GRID2: variants seen among roughly 807,000 people sequenced by gnomAD.
The protein encoded by GRID2 is glutamate ionotropic receptor delta type subunit 2.
A neutral mutation model predicts 114.8 loss-of-function variants in GRID2; 33 were observed. The observed-to-expected ratio is 0.29, with a 90% CI of 0.22 to 0.38. The LOEUF (loss-of-function observed/expected upper bound fraction) is 0.38. Among genes scored for constraint, GRID2 ranks in the 10% least tolerant of loss-of-function variants. GRID2 has a pLI of 1.00. For missense variants in GRID2, 1,184 were observed against 1,257.7 expected (o/e 0.94, Z 0.89); for synonymous variants, 505 against 449.9 (o/e 1.12, Z -1.55).
intron 14 of GRID2, among the ~76,000 whole-genome samples, chr4:93,720,666 T>C (rs1190477581): frequency 3.3e-5 from 5 of 152,224 alleles, no homozygotes; most frequent in East Asian, 3.8e-4. Flanking sequence ...TTTCAGGTTA[T>C]TGGTTAGTCA....
chr4:93,602,124 T>C (rs1460498121), intron 13 of GRID2, among the ~76,000 whole-genome samples: 1 of 152,244 alleles, frequency 6.6e-6, no homozygotes, highest in Non-Finnish European at 1.5e-5. Context: ...GTTAGTTTAC[T>C]CATTTTCCAC....
chr4:92,721,617 G>A (rs997733336), intron 2 of GRID2, among the ~76,000 whole-genome samples: 6 of 152,034 alleles, frequency 3.9e-5, no homozygotes, highest in African/African-American at 1.4e-4. Context: ...GGAGTAGACA[G>A]AATTATAGCA....
chr4:93,598,657 G>A (rs570828115), intron 13 of GRID2, among the ~76,000 whole-genome samples: 3 of 152,018 alleles, frequency 2.0e-5, no homozygotes, highest in Non-Finnish European at 4.4e-5. Flanking sequence ...TTGCATTTTA[G>A]TATGTTTTGT....
intron 8 of GRID2, among the ~76,000 whole-genome samples, chr4:93,248,246 A>T (rs1394461542): frequency 6.6e-6 from 1 of 152,188 alleles, no homozygotes; most frequent in African/African-American, 2.4e-5. Context: ...TATTAAAAGA[A>T]CTTATATTAG....
intron 4 of GRID2, among the ~76,000 whole-genome samples, chr4:93,117,516 G>C (rs1427808214): frequency 6.6e-6 from 1 of 152,048 alleles, no homozygotes; most frequent in African/African-American, 2.4e-5. Flanking sequence ...GCACTTTCAT[G>C]ATCATATATT....
intron 1 of GRID2, among the ~76,000 whole-genome samples, chr4:92,345,854 T>A (rs998213002): frequency 6.6e-6 from 1 of 152,206 alleles, no homozygotes; most frequent in Non-Finnish European, 1.5e-5. Flanking sequence ...CCTTCTCCTT[T>A]TGGTTTCTTA....
At chr4:93,058,551 G>T (rs1727480226) in intron 2 of GRID2, among the ~76,000 whole-genome samples, 1 of 151,838 alleles carries the variant, frequency 6.6e-6, no homozygotes, top group East Asian at 1.9e-4. Flanking sequence ...CCACACCATT[G>T]AAATTGGTAA....
chr4:92,586,355 TACACACACAC>T (rs200184543), intron 1 of GRID2, among the ~76,000 whole-genome samples: 3,217 of 145,982 alleles, frequency 0.022, 117 homozygotes, highest in African/African-American at 0.074. Flanking sequence ...ACAAAAAATC[TACACACACAC>T]ACACACACAC....
intron 12 of GRID2, among the ~76,000 whole-genome samples, chr4:93,503,574 T>C (rs903597188): frequency 2.7e-5 from 4 of 149,390 alleles, no homozygotes; most frequent in Admixed American, 1.3e-4. Context: ...GAACATGCGG[T>C]GTTCGGTTTT....
intron 1 of GRID2, among the ~76,000 whole-genome samples, chr4:92,581,811 T>C (rs1728198150): frequency 1.3e-5 from 2 of 152,200 alleles, no homozygotes; most frequent in South Asian, 4.2e-4. Context: ...TTTCGGACAC[T>C]AGCTAAATGT....
intron 1 of GRID2, among the ~76,000 whole-genome samples, chr4:92,414,740 G>A (rs946112396): frequency 6.6e-6 from 1 of 151,974 alleles, no homozygotes; most frequent in Non-Finnish European, 1.5e-5. Context: ...GCTGCATGAA[G>A]GTTTTTTTAT....
intron 2 of GRID2, among the ~76,000 whole-genome samples, chr4:93,029,660 G>A (rs1490849171): frequency 6.6e-6 from 1 of 151,940 alleles, no homozygotes; most frequent in Non-Finnish European, 1.5e-5. Context: ...AATAAAAACT[G>A]CTATTATTAG....
intron 2 of GRID2, among the ~76,000 whole-genome samples, chr4:92,984,431 A>C (rs1014419890): frequency 6.6e-6 from 1 of 152,220 alleles, no homozygotes; most frequent in Non-Finnish European, 1.5e-5. Context: ...TCTGTGATAT[A>C]GCTTGTTTAC....
intron 2 of GRID2, among the ~76,000 whole-genome samples, chr4:93,068,623 T>C (rs992956444): frequency 2.0e-5 from 3 of 151,972 alleles, no homozygotes; most frequent in Admixed American, 2.0e-4. Context: ...ATGTTATTTC[T>C]AGAGACTGCT....
chr4:93,224,200 A>G (rs1311404466), intron 6 of GRID2, among the ~76,000 whole-genome samples: 3 of 152,172 alleles, frequency 2.0e-5, no homozygotes, highest in African/African-American at 7.2e-5. Context: ...ATATTTTTCC[A>G]TCTGAATAAC....
chr4:93,624,869 GA>G (rs138505379), intron 13 of GRID2, among the ~76,000 whole-genome samples: 5,597 of 151,788 alleles, frequency 0.037, 349 homozygotes, highest in African/African-American at 0.13. Context: ...TTACTGAGGG[GA>G]AAAAAAATAA....
intron 7 of GRID2, among the ~76,000 whole-genome samples, chr4:93,233,584 C>T (rs1746409373): frequency 6.6e-6 from 1 of 151,998 alleles, no homozygotes; most frequent in Admixed American, 6.6e-5. Context: ...CTCAGGTGAT[C>T]CATCTGTCTT....
rs535975083 is a variant in GRID2 at position 93,296,750 on chromosome 4, C to T, written c.1245+58260C>T. On this transcript the variant is annotated intron_variant, in intron 8 of 15. Transcript: ENST00000282020. ...AAGAAACTTGAATGAATCTGACCAG[C>T]AAGAGATAGTTTCCTGAGTCTAAAT... 2.5e-4 allele frequency among the ~76,000 whole-genome samples: 38 copies of T among 152,298 alleles called. 1 individual carries two copies. In the South Asian group the frequency reaches 3.7e-3, roughly 15 times the overall value.
intron 10 of GRID2, among the ~76,000 whole-genome samples, chr4:93,445,308 C>T (rs1453082560): frequency 6.6e-6 from 1 of 151,872 alleles, no homozygotes; most frequent in Non-Finnish European, 1.5e-5. Flanking sequence ...GGATAGTCAG[C>T]CAGGGAACTT....
Sources: gnomAD v4.1 joint callset for allele counts (sites outside exome capture counted in the v4.1 genomes callset) on GRCh38, gnomAD v4.1.1 for gene constraint, MANE v1.5 for transcripts, NCBI Gene and HGNC (gene_info 2026-07-23, HGNC 2026-07-21) for gene names.